Variants in OR2L13 observed in about 807,000 individuals in gnomAD.
OR2L13 encodes the protein olfactory receptor 2L13.
OR2L13 carries 14 observed loss-of-function variants against 15.3 expected under a neutral mutation model. The observed-to-expected ratio is 0.91, with a 90% CI of 0.60 to 1.43. The LOEUF (loss-of-function observed/expected upper bound fraction) is 1.43, where lower values mean the gene tolerates loss of function less well. Ranked by LOEUF, OR2L13 falls within the 40% of genes most tolerant of loss-of-function variation. The pLI is 0.00. For missense variants in OR2L13, 367 were observed against 387.9 expected (o/e 0.95, Z 0.45); for synonymous variants, 152 against 142.9 (o/e 1.06, Z -0.45).
chr1:247,948,202 G>A, the OR2L13 span, among the ~76,000 whole-genome samples: 1 of 151,774 alleles, frequency 6.6e-6, no homozygotes, highest in South Asian at 2.1e-4. Context: ...AACAGAGAGA[G>A]ACCCTGTCAC....
At chr1:248,008,324 T>A in the OR2L13 span, among the ~76,000 whole-genome samples, 1 of 152,202 alleles carries the variant, frequency 6.6e-6, no homozygotes, top group Non-Finnish European at 1.5e-5. Flanking sequence ...AATTTATCAT[T>A]CTTTGTCTAA....
At chr1:247,983,857 G>A in the OR2L13 span, among the ~76,000 whole-genome samples, 1 of 152,246 alleles carries the variant, frequency 6.6e-6, no homozygotes, top group African/African-American at 2.4e-5. Context: ...AGCAGGACAG[G>A]TGTCTGCCTT....
At chr1:247,958,744 G>A in the OR2L13 span, among the ~76,000 whole-genome samples, 149,110 of 151,548 alleles carry the variant, frequency 0.98, 73,410 homozygotes, top group East Asian at 1. Flanking sequence ...AGTCTATTTT[G>A]TCAGAGACTA....
At chr1:248,060,463 TAA>T in the OR2L13 span, among the ~76,000 whole-genome samples, 102 of 152,318 alleles carry the variant, frequency 6.7e-4, no homozygotes, top group African/African-American at 2.3e-3. Flanking sequence ...TATTTTATTA[TAA>T]GTTACTCTTG....
At chr1:248,022,055 G>A in the OR2L13 span, 1 of 1,613,754 alleles carries the variant, frequency 6.2e-7, no homozygotes, top group South Asian at 1.1e-5. Flanking sequence ...TTTTCCTAAT[G>A]GCTCTAATTG....
chr1:247,945,771 A>G, the OR2L13 span, among the ~76,000 whole-genome samples: 1 of 151,876 alleles, frequency 6.6e-6, no homozygotes, highest in Non-Finnish European at 1.5e-5. Context: ...GTCTTTTTTG[A>G]CCTTTGTTGG....
At chr1:248,067,900 A>G in the OR2L13 span, among the ~76,000 whole-genome samples, 1 of 152,214 alleles carries the variant, frequency 6.6e-6, no homozygotes, top group African/African-American at 2.4e-5. Context: ...TTGCTAGCAC[A>G]GCAGTCTGAG....
the OR2L13 span, among the ~76,000 whole-genome samples, chr1:247,990,074 C>A: frequency 5.3e-5 from 8 of 151,996 alleles, no homozygotes; most frequent in South Asian, 1.2e-3. Flanking sequence ...TAATCTCTTC[C>A]TTGCCTAATT....
chr1:247,993,346 T>TTG, the OR2L13 span, among the ~76,000 whole-genome samples: 3 of 151,814 alleles, frequency 2.0e-5, no homozygotes, highest in Middle Eastern at 3.4e-3. Context: ...CTCGTTGTTT[T>TTG]TTTTTTTTTT....
At chr1:248,074,594 G>A in the OR2L13 span, among the ~76,000 whole-genome samples, 8,089 of 152,142 alleles carry the variant, frequency 0.053, 725 homozygotes, top group African/African-American at 0.19. Flanking sequence ...AATAGTGAAT[G>A]TCTCACTTAA....
At chr1:248,006,993 T>C in the OR2L13 span, among the ~76,000 whole-genome samples, 2 of 152,114 alleles carry the variant, frequency 1.3e-5, no homozygotes, top group African/African-American at 4.8e-5. Flanking sequence ...ATGTCTACTG[T>C]TTTTGTTATT....
the OR2L13 span, among the ~76,000 whole-genome samples, chr1:248,071,149 C>G: frequency 2.0e-5 from 3 of 152,134 alleles, no homozygotes; most frequent in Admixed American, 6.6e-5. Context: ...ATCCTGATAC[C>G]AAAGCCAGGC....
At chr1:248,022,257 A>C in the OR2L13 span, 6 of 1,613,990 alleles carry the variant, frequency 3.7e-6, no homozygotes, top group East Asian at 2.2e-5. Context: ...TTTCTTCTTC[A>C]TGACTTTTGC....
At chr1:248,018,664 C>T in the OR2L13 span, among the ~76,000 whole-genome samples, 1 of 152,088 alleles carries the variant, frequency 6.6e-6, no homozygotes, top group Non-Finnish European at 1.5e-5. Flanking sequence ...AGATAAACTG[C>T]ACCATTTTAA....
At chr1:248,056,652 G>T in the OR2L13 span, among the ~76,000 whole-genome samples, 1 of 141,812 alleles carries the variant, frequency 7.1e-6, no homozygotes, top group African/African-American at 2.5e-5. Flanking sequence ...TTTCCCTGTA[G>T]TTGTGTGGTT....
chr1:248,019,734 TTCCTTC>T, the OR2L13 span, among the ~76,000 whole-genome samples: 24,670 of 150,946 alleles, frequency 0.16, 2,150 homozygotes, highest in East Asian at 0.32. Context: ...TCCTCCTTCC[TTCCTTC>T]TCCTTCTCCT....
exon 3 of OR2L13, chr1:248,100,362 C>A: frequency 8.8e-7 from 1 of 1,135,658 alleles, no homozygotes; most frequent in Non-Finnish European, 1.3e-6. Context: ...CAAGTTGATT[C>A]CAACACGCTA....
chr1:248,093,796 A>G (rs1055308222), upstream of OR2L13, among the ~76,000 whole-genome samples: 14 of 152,112 alleles, frequency 9.2e-5, no homozygotes, highest in Admixed American at 2.0e-4. Context: ...TTCATTATCC[A>G]TTATATTACA....
chr1:248,068,076 C>A, the OR2L13 span, among the ~76,000 whole-genome samples: 1 of 140,596 alleles, frequency 7.1e-6, no homozygotes, highest in South Asian at 2.1e-4. Flanking sequence ...AGGGCACAGA[C>A]AAACAAAAAG....
Sources: allele counts gnomAD v4.1 joint callset (sites outside exome capture counted in the v4.1 genomes callset), GRCh38; gene constraint gnomAD v4.1.1; transcripts MANE v1.5; gene names NCBI Gene and HGNC (gene_info 2026-07-23, HGNC 2026-07-21).